Variants in WWOX observed in about 807,000 individuals in gnomAD.
WWOX encodes the protein WW domain containing oxidoreductase, also known as WW domain-containing oxidoreductase.
WWOX carries 69 observed loss-of-function variants against 46.2 expected under a neutral mutation model. That is an observed-to-expected ratio of 1.49 (90% CI 1.23 to 1.82). The LOEUF (loss-of-function observed/expected upper bound fraction) is 1.82, where lower values mean the gene tolerates loss of function less well. Among genes scored for constraint, WWOX ranks in the 40% most tolerant of loss-of-function variants. WWOX has a pLI of 0.00. For synonymous variants in WWOX, 359 were observed against 202.6 expected (o/e 1.77, Z -6.56); for missense variants, 919 against 542.6 (o/e 1.69, Z -6.89).
intron 4 of WWOX, among the ~76,000 whole-genome samples, chr16:78,161,490 T>C (rs56062747): frequency 0.27 from 41,617 of 151,642 alleles, 5,743 homozygotes; most frequent in South Asian, 0.36. Flanking sequence ...TCTGTCACTC[T>C]GGCTGGAGTG....
chr16:78,160,919 C>A (rs1385371143), intron 4 of WWOX, among the ~76,000 whole-genome samples: 1 of 151,772 alleles, frequency 6.6e-6, no homozygotes, highest in East Asian at 1.9e-4. Flanking sequence ...ATTTATTGTC[C>A]TAATTCTGTC....
intron 8 of WWOX, among the ~76,000 whole-genome samples, chr16:79,002,229 T>C (rs1238986199): frequency 1.5e-5 from 2 of 136,500 alleles, no homozygotes; most frequent in Non-Finnish European, 3.1e-5. Flanking sequence ...TTTTTTTTTT[T>C]TTTTTTTTTT....
intron 8 of WWOX, among the ~76,000 whole-genome samples, chr16:78,516,959 G>C (rs1260335833): frequency 6.6e-6 from 1 of 152,158 alleles, no homozygotes; most frequent in East Asian, 1.9e-4. Flanking sequence ...ACTTGGGTCT[G>C]TTTCCCGAGA....
intron 8 of WWOX, among the ~76,000 whole-genome samples, chr16:78,989,270 G>C (rs1162074072): frequency 2.0e-5 from 3 of 149,066 alleles, no homozygotes; most frequent in East Asian, 1.9e-4. Flanking sequence ...AATTCAATTA[G>C]AAGGCCTTCT....
At chr16:78,462,011 C>G (rs1350054506) in intron 8 of WWOX, among the ~76,000 whole-genome samples, 1 of 152,232 alleles carries the variant, frequency 6.6e-6, no homozygotes, top group Non-Finnish European at 1.5e-5. Flanking sequence ...TTAAACTCCT[C>G]TGGTTTTAGC....
rs139756752 is a variant in WWOX at position 78,319,391 on chromosome 16, G to C, written c.517-67469G>C. ...TCCTCCCACCTCAACCTCCTAAGTAGCTGGGACTACAGTGTGTACCATCAC... is the reference window on the plus strand; with the variant it reads ...TCCTCCCACCTCAACCTCCTAAGTACCTGGGACTACAGTGTGTACCATCAC... On this transcript the variant is annotated intron_variant, in intron 5 of 8. Coordinates refer to ENST00000566780, the MANE Select transcript of WWOX (RefSeq NM_016373.4). Among the ~76,000 whole-genome samples, 696 of 152,118 alleles carry C rather than the reference G, an allele frequency of 4.6e-3. 4 individuals carry two copies. Among genetic ancestry groups the C allele is most frequent in the South Asian group, 0.023 (111 of 4,798 alleles).
At chr16:78,358,709 A>G (rs1597094362) in intron 5 of WWOX, among the ~76,000 whole-genome samples, 1 of 152,072 alleles carries the variant, frequency 6.6e-6, no homozygotes, top group Non-Finnish European at 1.5e-5. Context: ...TACATGAATT[A>G]TATACAAATG....
At chr16:78,619,767 G>C (rs893543187) in intron 8 of WWOX, among the ~76,000 whole-genome samples, 4 of 151,884 alleles carry the variant, frequency 2.6e-5, no homozygotes, top group Non-Finnish European at 4.4e-5. Context: ...AAAAAAATGA[G>C]ACATGGGGGT....
intron 5 of WWOX, among the ~76,000 whole-genome samples, chr16:78,193,542 T>A (rs2035947829): frequency 6.7e-6 from 1 of 150,004 alleles, no homozygotes; most frequent in Admixed American, 6.7e-5. Flanking sequence ...AAGTAGGAAA[T>A]GCCTGCTTCA....
chr16:78,953,337 C>G (rs1172821875), intron 8 of WWOX, among the ~76,000 whole-genome samples: 1 of 152,106 alleles, frequency 6.6e-6, no homozygotes, highest in Admixed American at 6.5e-5. Context: ...CTTTAGAGAA[C>G]AAACTCTTTT....
chr16:79,029,518 G>A (rs545573878), intron 8 of WWOX, among the ~76,000 whole-genome samples: 1 of 152,222 alleles, frequency 6.6e-6, no homozygotes, highest in Non-Finnish European at 1.5e-5. Flanking sequence ...TGAGGACTTT[G>A]GAAATGGAAC....
In WWOX at chr16:78,454,180, C is replaced by G. The variant is rs115567815; in HGVS notation, c.1056+21428C>G. Among the ~76,000 whole-genome samples the G allele has an allele frequency of 9.3e-3, 1,420 of 152,294 alleles. 28 individuals are homozygous for G. The highest frequency in any genetic ancestry group is 0.032 in the African/African-American group (1,331 of 41,562). Reference sequence around the variant, plus strand: ...ACTCCTAATCTAATTGTTTCCCAAACTTTCAATGTTTTGGATGACTTTGGA... The same window carrying G: ...ACTCCTAATCTAATTGTTTCCCAAAGTTTCAATGTTTTGGATGACTTTGGA... On this transcript the variant is annotated intron_variant, in intron 8 of 8. Transcript: ENST00000566780.
intron 8 of WWOX, among the ~76,000 whole-genome samples, chr16:78,627,243 A>T (rs2046331470): frequency 6.6e-6 from 1 of 152,098 alleles, no homozygotes; most frequent in Admixed American, 6.5e-5. Flanking sequence ...TGTGTTTGCT[A>T]CCATACCTCC....
chr16:78,855,269 T>G (rs934039460), intron 8 of WWOX, among the ~76,000 whole-genome samples: 1 of 152,152 alleles, frequency 6.6e-6, no homozygotes, highest in African/African-American at 2.4e-5. Context: ...AATAATAAAT[T>G]ATAAGAATTT....
chr16:78,682,847 A>G (rs1306172142), intron 8 of WWOX, among the ~76,000 whole-genome samples: 1 of 152,212 alleles, frequency 6.6e-6, no homozygotes, highest in African/African-American at 2.4e-5. Flanking sequence ...CCTGCTGCAA[A>G]TAGAACAGTG....
chr16:79,054,294 G>A (rs1190852082), intron 8 of WWOX, among the ~76,000 whole-genome samples: 1 of 152,088 alleles, frequency 6.6e-6, no homozygotes, highest in Non-Finnish European at 1.5e-5. Context: ...GTTTTAGTTA[G>A]GCCCGCAAAA....
At chr16:78,710,474 A>ATATATATATATATATATATATATT (rs2048416799) in intron 8 of WWOX, among the ~76,000 whole-genome samples, 1 of 50,330 alleles carries the variant, frequency 2.0e-5, no homozygotes, top group African/African-American at 1.5e-4. Flanking sequence ...AATGGATCTC[A>ATATATATATATATATATATATATT]TATATATATA....
chr16:78,233,443 G>C (rs2037333852), intron 5 of WWOX, among the ~76,000 whole-genome samples: 1 of 151,930 alleles, frequency 6.6e-6, no homozygotes, highest in Admixed American at 6.6e-5. Context: ...TGGACTTTCA[G>C]CCTCCCTGGG....
chr16:78,942,515 G>A (rs1183594805), intron 8 of WWOX, among the ~76,000 whole-genome samples: 1 of 152,082 alleles, frequency 6.6e-6, no homozygotes, highest in Non-Finnish European at 1.5e-5. Context: ...GTAGCTCTCT[G>A]GGCAGTGGGA....
Sources: allele counts gnomAD v4.1 joint callset (sites outside exome capture counted in the v4.1 genomes callset), GRCh38; gene constraint gnomAD v4.1.1; transcripts MANE v1.5; gene names NCBI Gene and HGNC (gene_info 2026-07-23, HGNC 2026-07-21).